The following GTF2B variants were observed in gnomAD, a reference collection of about 807,000 sequenced individuals.
The protein encoded by GTF2B is transcription initiation factor IIB.
In GTF2B, 20 loss-of-function variants were observed where a neutral mutation model predicts 34.6. That is an observed-to-expected ratio of 0.58 (90% confidence interval 0.41 to 0.84). The LOEUF (loss-of-function observed/expected upper bound fraction) is 0.84, where lower values mean the gene tolerates loss of function less well. GTF2B is among the 40% of genes least tolerant of loss of function. The pLI is 0.00. For missense variants in GTF2B, 237 were observed against 393.3 expected, an observed-to-expected ratio of 0.60 and a Z score of 3.36; for synonymous variants, 142 against 132.4, an observed-to-expected ratio of 1.07 and a Z score of -0.50.
At chr1:88,885,095 G>C (rs1166233342) in intron 2 of GTF2B, among the ~76,000 whole-genome samples, 1 of 152,212 alleles carries the variant, frequency 6.6e-6, no homozygotes, top group African/African-American at 2.4e-5. Flanking sequence ...TGTGAAAAGA[G>C]TCATATACAC....
intron 2 of GTF2B, among the ~76,000 whole-genome samples, chr1:88,885,954 C>T (rs116585795): frequency 0.011 from 1,651 of 152,130 alleles, 26 homozygotes; most frequent in African/African-American, 0.038. Context: ...CTGCCTCCCA[C>T]GCAGACAATG....
intron 2 of GTF2B, among the ~76,000 whole-genome samples, chr1:88,874,339 G>T: frequency 6.6e-6 from 1 of 151,140 alleles, no homozygotes; most frequent in East Asian, 1.9e-4. Flanking sequence ...TTGGAGGTGG[G>T]GTCTTGATCT....
intron 2 of GTF2B, among the ~76,000 whole-genome samples, chr1:88,867,924 T>G (rs1673598044): frequency 6.6e-6 from 1 of 152,230 alleles, no homozygotes; most frequent in Admixed American, 6.5e-5. Context: ...CTGTGGTTTG[T>G]GCTAAGAACC....
intron 5 of GTF2B, 107 bp from the exon 6 acceptor site, chr1:88,857,594 T>C (rs1414280286): frequency 3.2e-6 from 2 of 626,340 alleles, no homozygotes; most frequent in Non-Finnish European, 5.5e-6. Context: ...TTGTAAAACA[T>C]TCAATCATAC....
At chr1:88,873,738 T>C (rs1159758609) in intron 2 of GTF2B, among the ~76,000 whole-genome samples, 1 of 152,038 alleles carries the variant, frequency 6.6e-6, no homozygotes, top group Non-Finnish European at 1.5e-5. Flanking sequence ...ATTCTAGCCA[T>C]CGGGAAGGAA....
chr1:88,879,153 T>C (rs533508714), intron 2 of GTF2B, among the ~76,000 whole-genome samples: 1 of 152,080 alleles, frequency 6.6e-6, no homozygotes, highest in Non-Finnish European at 1.5e-5. Context: ...TGGTGGTGGG[T>C]GGGCCTCAAG....
Position 88,865,610 on chromosome 1 carries a change from C to T in GTF2B, c.125-1496G>A, listed in dbSNP as rs573063208. Among the ~76,000 whole-genome samples the T allele has an allele frequency of 6.6e-5, 10 of 152,094 alleles. No homozygotes were observed. The East Asian group carries it at 1.7e-3, about 27-fold the overall frequency. On this transcript the variant is annotated intron_variant, in intron 2 of 6. Coordinates refer to ENST00000370500, the MANE Select transcript of GTF2B (RefSeq NM_001514.6). ...GTGGCACATGCCTGTAATCCCAGCA[C>T]TTTGCGAGGTCCAGGCGGGCTGTCA... is the stretch of plus-strand genomic sequence containing the variant.
intron 2 of GTF2B, among the ~76,000 whole-genome samples, chr1:88,878,683 G>A (rs1570732747): frequency 6.6e-6 from 1 of 152,174 alleles, no homozygotes; most frequent in Non-Finnish European, 1.5e-5. Context: ...TCCTATCATG[G>A]CTCTGACGAA....
intron 3 of GTF2B, among the ~76,000 whole-genome samples, chr1:88,860,513 CAA>C (rs1673411015): frequency 6.6e-6 from 1 of 151,654 alleles, no homozygotes; most frequent in Non-Finnish European, 1.5e-5. Flanking sequence ...AAACACCTGA[CAA>C]AACAATGGAA....
intron 6 of GTF2B, among the ~76,000 whole-genome samples, chr1:88,855,440 C>T (rs1324108598): frequency 6.6e-6 from 1 of 150,704 alleles, no homozygotes; most frequent in African/African-American, 2.5e-5. Flanking sequence ...GCAACCTCTG[C>T]CTCCCAAGTT....
chr1:88,888,486 A>C (rs936545451), intron 1 of GTF2B, among the ~76,000 whole-genome samples: 1 of 152,204 alleles, frequency 6.6e-6, no homozygotes, highest in Non-Finnish European at 1.5e-5. Flanking sequence ...TATTTTAATA[A>C]ATTATGACAA....
chr1:88,860,100 C>G, intron 4 of GTF2B, 40 bp downstream of exon 4: 1 of 1,612,404 alleles, frequency 6.2e-7, no homozygotes, highest in Non-Finnish European at 8.5e-7. Context: ...TATGCAAAGT[C>G]AATGCCAGAA....
At chr1:88,874,431 T>C (rs989636302) in intron 2 of GTF2B, among the ~76,000 whole-genome samples, 8 of 151,400 alleles carry the variant, frequency 5.3e-5, no homozygotes, top group East Asian at 1.9e-4. Flanking sequence ...CCCTAGCTAC[T>C]TGGGGGAACT....
At chr1:88,875,175 A>C (rs752579905) in intron 2 of GTF2B, among the ~76,000 whole-genome samples, 7 of 152,220 alleles carry the variant, frequency 4.6e-5, no homozygotes, top group Non-Finnish European at 1.0e-4. Context: ...ATACTTTATA[A>C]AGAAATACTA....
chr1:88,860,508 C>T (rs1346511449), intron 3 of GTF2B, among the ~76,000 whole-genome samples: 1 of 151,876 alleles, frequency 6.6e-6, no homozygotes, highest in East Asian at 1.9e-4. Context: ...GATACAAACA[C>T]CTGACAAAAC....
chr1:88,882,486 T>C (rs1206009221), intron 2 of GTF2B, among the ~76,000 whole-genome samples: 4 of 152,188 alleles, frequency 2.6e-5, no homozygotes, highest in Non-Finnish European at 4.4e-5. Flanking sequence ...AAACATTTTC[T>C]GTAAAGGGTG....
intron 3 of GTF2B, among the ~76,000 whole-genome samples, chr1:88,860,681 T>C (rs1202348607): frequency 6.6e-6 from 1 of 152,244 alleles, no homozygotes; most frequent in African/African-American, 2.4e-5. Context: ...ATTATATTAA[T>C]AGATGTAAGA....
chr1:88,884,254 C>T (rs1570736852), intron 2 of GTF2B, among the ~76,000 whole-genome samples: 2 of 152,192 alleles, frequency 1.3e-5, no homozygotes, highest in African/African-American at 4.8e-5. Flanking sequence ...TTTTGAACTC[C>T]TGAACTCATG....
rs187196548 is a variant in GTF2B at position 88,889,042 on chromosome 1, C to T, written c.18-1675G>A. On this transcript the variant is annotated intron_variant, in intron 1 of 6. Coordinates refer to ENST00000370500, the MANE Select transcript of GTF2B (RefSeq NM_001514.6). ...TAACTTCATTAAAAAAAGGTAAAAG[C>T]AAGGTAGTGAATGGAGTTTAAATTA... 1.2e-3 allele frequency among the ~76,000 whole-genome samples: 181 copies of T among 152,214 alleles called. 1 individual carries two copies. The Middle Eastern group carries it at 0.014, about 11-fold the overall frequency.
Sources: allele counts gnomAD v4.1 joint callset (sites outside exome capture counted in the v4.1 genomes callset), GRCh38; gene constraint gnomAD v4.1.1; transcripts MANE v1.5; gene names NCBI Gene and HGNC (gene_info 2026-07-23, HGNC 2026-07-21).